The following SCN9A variants were observed in gnomAD, a reference collection of about 807,000 sequenced individuals.
The protein encoded by SCN9A is sodium voltage-gated channel alpha subunit 9, also known as sodium channel protein type 9 subunit alpha.
Under a neutral mutation model 187.0 loss-of-function variants are expected in SCN9A, and 131 were observed. The ratio of observed to expected loss-of-function variants is 0.70; its 90% CI spans 0.61 to 0.81. The LOEUF is 0.81. Among genes scored for constraint, SCN9A ranks in the 30% least tolerant of loss-of-function variants. SCN9A has a pLI of 0.00. For synonymous variants in SCN9A, 809 were observed against 808.6 expected (o/e 1.00, Z -0.01); for missense variants, 2,252 against 2,396.6 (o/e 0.94, Z 1.26).
intron 2 of SCN9A, among the ~76,000 whole-genome samples, chr2:166,309,903 A>G (rs1424258477): frequency 1.4e-5 from 2 of 146,886 alleles, no homozygotes; most frequent in Non-Finnish European, 3.0e-5. Context: ...CAAAACAGAG[A>G]TATAGATCAA....
chr2:166,202,839 A>G (rs1693607661), intron 26 of SCN9A, among the ~76,000 whole-genome samples: 1 of 151,740 alleles, frequency 6.6e-6, no homozygotes, highest in Non-Finnish European at 1.5e-5. Context: ...AATTGAATTT[A>G]TTTTTAGTTG....
At chr2:166,256,134 A>C (rs7604448) in intron 17 of SCN9A, among the ~76,000 whole-genome samples, 125,168 of 151,008 alleles carry the variant, frequency 0.83, 52,172 homozygotes, top group East Asian at 0.94. Context: ...GGTGTAGAAC[A>C]AAAATAACCT....
At chr2:166,344,847 G>A (rs1699864062) in intron 1 of SCN9A, among the ~76,000 whole-genome samples, 1 of 152,154 alleles carries the variant, frequency 6.6e-6, no homozygotes, top group Non-Finnish European at 1.5e-5. Context: ...ATATGTGGGA[G>A]GAGAAGGCCA....
intron 20 of SCN9A, among the ~76,000 whole-genome samples, chr2:166,235,095 A>C (rs550628740): frequency 6.6e-6 from 1 of 152,298 alleles, no homozygotes; most frequent in African/African-American, 2.4e-5. Flanking sequence ...CCCAGCTTCC[A>C]GAACTTTAAG....
chr2:166,289,881 T>A (rs1697962253), intron 9 of SCN9A, among the ~76,000 whole-genome samples: 1 of 152,190 alleles, frequency 6.6e-6, no homozygotes, highest in Non-Finnish European at 1.5e-5. Context: ...GAATTGCATT[T>A]CTCTAATGGC....
chr2:166,332,855 A>G (rs901909083), intron 1 of SCN9A, among the ~76,000 whole-genome samples: 4 of 151,942 alleles, frequency 2.6e-5, no homozygotes, highest in Non-Finnish European at 4.4e-5. Flanking sequence ...TTGCAGGACC[A>G]TAAGCCTTCC....
chr2:166,280,432 T>C lies in SCN9A; in HGVS notation c.2268A>G (p.Leu756=), dbSNP rs533327972. 3.8e-6 allele frequency: 6 copies of C among 1,592,432 alleles called. No homozygotes were observed. The East Asian group carries it at 1.1e-4, about 30-fold the overall frequency. Residue 756 remains leucine, a synonymous_variant, in exon 14 of 27, where the codon TTA becomes TTG. Transcript: ENST00000642356. ...VDLAITICIV[L]NTLFMAMEHH... ...GTTCCATAGCCATAAATAATGTGTT[T>C]AAAACTATGCAAATGGTAATTGCAA...
chr2:166,231,359 A>C (rs999798888), intron 21 of SCN9A, among the ~76,000 whole-genome samples: 11 of 152,148 alleles, frequency 7.2e-5, no homozygotes, highest in African/African-American at 2.7e-4. Flanking sequence ...TTATACTTGG[A>C]AACCGTTATA....
intron 2 of SCN9A, among the ~76,000 whole-genome samples, chr2:166,309,041 C>T (rs1202681253): frequency 6.6e-6 from 1 of 151,296 alleles, no homozygotes; most frequent in African/African-American, 2.4e-5. Flanking sequence ...AAGGAACTTC[C>T]TAGAAAAATG....
chr2:166,336,510 T>C (rs1261377398), intron 1 of SCN9A, among the ~76,000 whole-genome samples: 1 of 152,126 alleles, frequency 6.6e-6, no homozygotes, highest in Admixed American at 6.6e-5. Context: ...CTAAAGTTCC[T>C]ATAGGAATGC....
chr2:166,262,629 G>T (rs541265110), intron 17 of SCN9A, among the ~76,000 whole-genome samples: 6 of 151,868 alleles, frequency 4.0e-5, no homozygotes, highest in Non-Finnish European at 8.8e-5. Flanking sequence ...CCTTTCTATG[G>T]CATGTAGTAT....
intron 17 of SCN9A, among the ~76,000 whole-genome samples, chr2:166,253,669 C>T (rs1459100209): frequency 6.6e-6 from 1 of 151,634 alleles, no homozygotes; most frequent in Non-Finnish European, 1.5e-5. Context: ...GGCTTCAATT[C>T]CTGACCTCTC....
chr2:166,355,531 G>A (rs1329598385), intron 1 of SCN9A, among the ~76,000 whole-genome samples: 1 of 151,420 alleles, frequency 6.6e-6, no homozygotes, highest in East Asian at 1.9e-4. Flanking sequence ...GGGTGTGTGT[G>A]CACACGCTAA....
chr2:166,296,849 G>A, intron 7 of SCN9A, among the ~76,000 whole-genome samples: 1 of 152,078 alleles, frequency 6.6e-6, no homozygotes, highest in South Asian at 2.1e-4. Context: ...TGAATGCAAA[G>A]AAAAATGAAA....
rs79763012 is a variant in SCN9A at position 166,267,635 on chromosome 2, A to G, written c.3351+4764T>C. 9.9e-5 allele frequency among the ~76,000 whole-genome samples: 15 copies of G among 152,042 alleles called. No homozygotes were observed. The South Asian group carries it at 3.1e-3, about 32-fold the overall frequency. On this transcript the variant is annotated intron_variant, in intron 17 of 26. Transcript: ENST00000642356. ...TTGGAATAATTTAAGAAGAATTAGT[A>G]TTAGTTCTTCTTTAAATGTTTGGTA...
At chr2:166,347,603 T>C (rs1283697580) in intron 1 of SCN9A, among the ~76,000 whole-genome samples, 1 of 152,240 alleles carries the variant, frequency 6.6e-6, no homozygotes, top group Admixed American at 6.5e-5. Flanking sequence ...CTCAACTAAA[T>C]GCTTTGTAAT....
chr2:166,369,787 A>G (rs1700504880), intron 1 of SCN9A, among the ~76,000 whole-genome samples: 1 of 152,224 alleles, frequency 6.6e-6, no homozygotes, highest in Non-Finnish European at 1.5e-5. Context: ...TGTCTATTAG[A>G]CTTGAAAGAA....
chr2:166,277,940 A>G, intron 15 of SCN9A, 200 bp downstream of exon 15: 1 of 498,088 alleles, frequency 2.0e-6, no homozygotes, highest in African/African-American at 2.0e-5. Context: ...AGAATTGAGC[A>G]TGTCTTCAAA....
intron 13 of SCN9A, 32 bp from the exon 14 acceptor site, chr2:166,280,627 G>A (rs1197629591): frequency 3.4e-5 from 44 of 1,297,392 alleles, no homozygotes; most frequent in Non-Finnish European, 4.7e-5. Flanking sequence ...CATGGAGTCA[G>A]CCATTTGTCT....
Sources: allele counts gnomAD v4.1 joint callset (sites outside exome capture counted in the v4.1 genomes callset), GRCh38; gene constraint gnomAD v4.1.1; transcripts MANE v1.5; gene names NCBI Gene and HGNC (gene_info 2026-07-23, HGNC 2026-07-21).